Variants in GOLGA1 observed in about 807,000 individuals in gnomAD.
GOLGA1 encodes the protein golgin A1.
GOLGA1 carries 63 observed loss-of-function variants against 119.7 expected under a neutral mutation model. That is an observed-to-expected ratio of 0.53 (90% CI 0.43 to 0.65). The LOEUF (loss-of-function observed/expected upper bound fraction) is 0.65. Ranked by LOEUF, GOLGA1 falls within the 30% of genes least tolerant of loss-of-function variation. GOLGA1 has a pLI of 0.00. For missense variants in GOLGA1, 798 were observed against 912.8 expected (o/e 0.87, Z 1.62); for synonymous variants, 318 against 333.4 (o/e 0.95, Z 0.50).
chr9:124,930,736 C>G (rs1313962199), intron 4 of GOLGA1, among the ~76,000 whole-genome samples: 3 of 152,218 alleles, frequency 2.0e-5, no homozygotes, highest in Non-Finnish European at 4.4e-5. Context: ...TAATAACTCA[C>G]AATTCTATCA....
At chr9:124,944,466 A>ATTT (rs71374207), upstream of GOLGA1, 2,191 of 84,666 alleles carry the variant, frequency 0.026, 83 homozygotes, top group African/African-American at 0.07. Flanking sequence ...TGCCTGGCTA[A>ATTT]TTTTTTTTTT....
chr9:124,908,436 G>T lies in GOLGA1; in HGVS notation c.1006C>A (p.Gln336Lys). ...LAEQNLEDTR[Q>K]QLLAARSSQA... ...CTGCTTCTGGCTGCCAAGAGCTGTTGTCTGGTATCCTCCAAATTCTGCTCA... is the reference window on the plus strand; with the variant it reads ...CTGCTTCTGGCTGCCAAGAGCTGTTTTCTGGTATCCTCCAAATTCTGCTCA... Residue 336 changes from glutamine to lysine, a missense_variant, in exon 12 of 23, where the codon CAA becomes AAA. By Grantham distance (53) the Gln-to-Lys change is moderately conservative (BLOSUM62 1). Coordinates refer to ENST00000373555, the MANE Select transcript of GOLGA1 (RefSeq NM_002077.4). 1 of 1,610,574 alleles carries T rather than the reference G, an allele frequency of 6.2e-7. No homozygotes were observed.
At chr9:124,899,645 C>T (rs561546497) in intron 13 of GOLGA1, among the ~76,000 whole-genome samples, 167 bp from the exon 14 acceptor site, 91 of 152,342 alleles carry the variant, frequency 6.0e-4, no homozygotes, top group African/African-American at 2.1e-3. Context: ...CCTGTTGCTC[C>T]TGGACCCTGG....
At chr9:124,922,122 G>GGAGGCT (rs1830582103) in intron 8 of GOLGA1, among the ~76,000 whole-genome samples, 1 of 151,964 alleles carries the variant, frequency 6.6e-6, no homozygotes, top group African/African-American at 2.4e-5. Context: ...CAGCTACTCG[G>GGAGGCT]GAGGCTGAGG....
intron 10 of GOLGA1, among the ~76,000 whole-genome samples, chr9:124,920,577 C>G (rs75440886): frequency 6.6e-6 from 1 of 152,210 alleles, no homozygotes; most frequent in East Asian, 1.9e-4. Context: ...GTCAAAGGTA[C>G]AGCCCTGGTC....
intron 10 of GOLGA1, among the ~76,000 whole-genome samples, chr9:124,912,235 GCAAGAAGCAAA>G (rs1465634797): frequency 6.6e-6 from 1 of 152,162 alleles, no homozygotes; most frequent in Non-Finnish European, 1.5e-5. Flanking sequence ...ACCTAGTGCA[GCAAGAAGCAAA>G]CACTCTTCCC....
intron 15 of GOLGA1, among the ~76,000 whole-genome samples, chr9:124,891,847 G>A (rs1361328263): frequency 6.6e-6 from 1 of 152,008 alleles, no homozygotes; most frequent in African/African-American, 2.4e-5. Context: ...GTTTCGCCAT[G>A]TTGGCCAGGC....
chr9:124,929,535 A>G (rs1312454155), intron 4 of GOLGA1, among the ~76,000 whole-genome samples: 1 of 152,208 alleles, frequency 6.6e-6, no homozygotes, highest in Non-Finnish European at 1.5e-5. Flanking sequence ...CCTTGATAGA[A>G]AAACAAGAAT....
intron 15 of GOLGA1, 87 bp from the exon 16 acceptor site, chr9:124,890,565 T>C (rs1214791812): frequency 2.0e-5 from 20 of 1,016,326 alleles, no homozygotes; most frequent in Non-Finnish European, 2.8e-5. Flanking sequence ...AGACAGGGCA[T>C]GGCTTTGCAG....
chr9:124,909,615 A>C (rs1415548922), intron 11 of GOLGA1, among the ~76,000 whole-genome samples: 4 of 151,652 alleles, frequency 2.6e-5, no homozygotes, highest in Non-Finnish European at 1.5e-5. Context: ...TCTCAAAAAA[A>C]AAAAAAAAAA....
At chr9:124,882,468 G>A in intron 20 of GOLGA1, 42 bp downstream of exon 20, 1 of 1,452,266 alleles carries the variant, frequency 6.9e-7, no homozygotes, top group Non-Finnish European at 9.6e-7. Flanking sequence ...GGCAGCAGGG[G>A]GAGTGCTGGG....
intron 19 of GOLGA1, chr9:124,887,301 C>G (rs1295663272): frequency 6.6e-6 from 1 of 152,192 alleles, no homozygotes; most frequent in African/African-American, 2.4e-5. Flanking sequence ...AAAAGCAAGG[C>G]AGTCATTGCC....
intron 4 of GOLGA1, among the ~76,000 whole-genome samples, chr9:124,930,381 T>G (rs571959557): frequency 1.3e-5 from 2 of 152,300 alleles, no homozygotes; most frequent in South Asian, 2.1e-4. Context: ...ATCAAATAAA[T>G]CTGGGTTTGG....
chr9:124,932,258 T>C (rs1830783066), intron 3 of GOLGA1, among the ~76,000 whole-genome samples: 1 of 152,208 alleles, frequency 6.6e-6, no homozygotes, highest in Admixed American at 6.5e-5. Context: ...TTATCATTCC[T>C]AACAAAAAAT....
chr9:124,920,854 A>G (rs912146781), intron 10 of GOLGA1, among the ~76,000 whole-genome samples: 3 of 134,470 alleles, frequency 2.2e-5, no homozygotes, highest in Non-Finnish European at 1.7e-5. Context: ...CCAAAAAAAA[A>G]GAAAAAAAAA....
intron 8 of GOLGA1, among the ~76,000 whole-genome samples, chr9:124,922,692 G>A (rs763674808): frequency 6.6e-6 from 1 of 151,494 alleles, no homozygotes; most frequent in Non-Finnish European, 1.5e-5. Flanking sequence ...TTGAGCCCAC[G>A]AATTTGAGGC....
chr9:124,921,988 G>C, intron 8 of GOLGA1, 96 bp from the exon 9 acceptor site: 1 of 1,023,738 alleles, frequency 9.8e-7, no homozygotes, highest in South Asian at 1.4e-5. Context: ...AACACTTTGG[G>C]AGGCTGAGGC....
intron 19 of GOLGA1, among the ~76,000 whole-genome samples, chr9:124,883,979 T>G (rs187930457): frequency 6.0e-4 from 92 of 152,308 alleles, no homozygotes; most frequent in Non-Finnish European, 1.0e-3. Flanking sequence ...GCTGAGACAT[T>G]TTCTCAACTA....
chr9:124,885,826 A>G (rs540910554), intron 19 of GOLGA1, among the ~76,000 whole-genome samples: 1 of 152,192 alleles, frequency 6.6e-6, no homozygotes, highest in African/African-American at 2.4e-5. Context: ...TTCATAAGAG[A>G]TCAACAGAGA....
Sources: allele counts gnomAD v4.1 joint callset (sites outside exome capture counted in the v4.1 genomes callset), GRCh38; gene constraint gnomAD v4.1.1; transcripts MANE v1.5; gene names NCBI Gene and HGNC (gene_info 2026-07-23, HGNC 2026-07-21).